Variants in SUMF1 observed in about 807,000 individuals in gnomAD.
The protein encoded by SUMF1 is sulfatase modifying factor 1, also known as formylglycine-generating enzyme.
Under a neutral mutation model 47.6 loss-of-function variants are expected in SUMF1, and 48 were observed. That is an observed-to-expected ratio of 1.01 (90% CI 0.80 to 1.28). The LOEUF (loss-of-function observed/expected upper bound fraction) is 1.28, where lower values mean the gene tolerates loss of function less well. Among genes scored for constraint, SUMF1 ranks in the 50% most tolerant of loss-of-function variants. The pLI, the probability that SUMF1 is intolerant of heterozygous loss-of-function variation, is 0.00. For missense variants in SUMF1, 571 were observed against 485.4 expected, an observed-to-expected ratio of 1.18 and a Z score of -1.66; for synonymous variants, 230 against 192.1, an observed-to-expected ratio of 1.20 and a Z score of -1.63.
At chr3:4,344,964 C>A (rs1699346058) in intron 8 of SUMF1, among the ~76,000 whole-genome samples, 1 of 151,920 alleles carries the variant, frequency 6.6e-6, no homozygotes, top group Non-Finnish European at 1.5e-5. Context: ...TGAAATAAGA[C>A]ACACAGACAA....
intron 8 of SUMF1, among the ~76,000 whole-genome samples, chr3:4,202,688 G>T (rs189019764): frequency 5.0e-4 from 76 of 152,024 alleles, no homozygotes; most frequent in African/African-American, 1.6e-3. Context: ...TCTGTAGATT[G>T]CTTTGAATAG....
intron 8 of SUMF1, among the ~76,000 whole-genome samples, chr3:4,246,803 C>T (rs949242591): frequency 6.6e-6 from 1 of 152,040 alleles, no homozygotes; most frequent in African/African-American, 2.4e-5. Flanking sequence ...AAATCTTGAC[C>T]TTTCTATGTT....
At chr3:4,343,564 G>C (rs1159690758) in intron 8 of SUMF1, among the ~76,000 whole-genome samples, 2 of 152,220 alleles carry the variant, frequency 1.3e-5, no homozygotes, top group African/African-American at 4.8e-5. Flanking sequence ...GAAGACCTCA[G>C]TTTGATTTCA....
chr3:4,139,974 C>G (rs1263827383), intron 8 of SUMF1, among the ~76,000 whole-genome samples: 1 of 151,876 alleles, frequency 6.6e-6, no homozygotes, highest in Non-Finnish European at 1.5e-5. Flanking sequence ...TCCAAAGGAC[C>G]ACACATCCTT....
chr3:4,104,666 T>TTCTCTCTCTCTCTCTC (rs111963235), intron 8 of SUMF1, among the ~76,000 whole-genome samples: 18 of 146,850 alleles, frequency 1.2e-4, no homozygotes, highest in African/African-American at 3.5e-4. Flanking sequence ...AAATCTCGAT[T>TTCTCTCTCTCTCTCTC]TCTCTCTCTC....
At chr3:4,389,936 A>C (rs1487508683) in intron 7 of SUMF1, among the ~76,000 whole-genome samples, 2 of 152,120 alleles carry the variant, frequency 1.3e-5, no homozygotes, top group African/African-American at 4.8e-5. Context: ...TTGCTGGGTA[A>C]GTCTAACATC....
At chr3:4,409,850 A>G (rs1701487994) in intron 7 of SUMF1, among the ~76,000 whole-genome samples, 1 of 152,234 alleles carries the variant, frequency 6.6e-6, no homozygotes, top group Non-Finnish European at 1.5e-5. Flanking sequence ...AGAAAAATTA[A>G]GCATATCCAA....
At chr3:4,373,467 A>AAC in intron 8 of SUMF1, among the ~76,000 whole-genome samples, 1 of 151,720 alleles carries the variant, frequency 6.6e-6, no homozygotes, top group South Asian at 2.1e-4. Flanking sequence ...GTAAAAGAAA[A>AAC]AAAAAATGGG....
chr3:4,288,073 G>A lies in SUMF1; in HGVS notation c.1014+88257C>T, dbSNP rs1194395729. 2.6e-5 allele frequency among the ~76,000 whole-genome samples: 4 copies of A among 151,880 alleles called. No individual in the cohort carries two copies. The East Asian group carries it at 7.8e-4, about 30-fold the overall frequency. On this transcript the variant is annotated intron_variant and NMD_transcript_variant, in intron 8 of 12. Coordinates refer to the SUMF1 transcript ENST00000448413. ...AAAATAATGACCCCAGAGAGTTCAG[G>A]CACCTGCTATCTGCAATCTAGGTCT... is the stretch of plus-strand genomic sequence containing the variant.
intron 1 of SUMF1, among the ~76,000 whole-genome samples, chr3:4,458,227 A>G (rs546919745): frequency 1.2e-4 from 19 of 152,354 alleles, no homozygotes; most frequent in African/African-American, 4.6e-4. Flanking sequence ...AAGATGAAAG[A>G]TAACAAGTGT....
At chr3:4,341,464 TTTTC>T (rs1279085638) in intron 8 of SUMF1, among the ~76,000 whole-genome samples, 5 of 152,182 alleles carry the variant, frequency 3.3e-5, no homozygotes, top group Non-Finnish European at 7.3e-5. Context: ...AATACATAGC[TTTTC>T]TTTATTTTTT....
In SUMF1 at chr3:4,209,394, C is replaced by A. The variant is rs73120039; in HGVS notation, c.1015-140649G>T. Among the ~76,000 whole-genome samples the A allele has an allele frequency of 7.5e-3, 1,149 of 152,190 alleles. 15 individuals carry two copies. The highest frequency in any genetic ancestry group is 0.027 in the African/African-American group (1,104 of 41,512). On this transcript the variant is annotated intron_variant and NMD_transcript_variant, in intron 8 of 12. Transcript: ENST00000448413. ...TTCTGTCATTACCTGGTAGTTGAAC[C>A]TTAATCACTTAAACATCCTAAGTTG...
chr3:4,253,533 T>G (rs313670), intron 8 of SUMF1, among the ~76,000 whole-genome samples: 9 of 150,772 alleles, frequency 6.0e-5, no homozygotes, highest in Admixed American at 3.3e-4. Flanking sequence ...CACTCCCACC[T>G]GAATATTGCG....
At chr3:4,252,420 T>G (rs541125768) in intron 8 of SUMF1, among the ~76,000 whole-genome samples, 2 of 152,060 alleles carry the variant, frequency 1.3e-5, no homozygotes, top group African/African-American at 4.8e-5. Flanking sequence ...TTGCCTACAT[T>G]GTCTATTATC....
At chr3:4,307,337 GA>G (rs1455979353) in intron 8 of SUMF1, among the ~76,000 whole-genome samples, 1 of 152,092 alleles carries the variant, frequency 6.6e-6, no homozygotes, top group Non-Finnish European at 1.5e-5. Flanking sequence ...CTATGGATAG[GA>G]ACCCCACCCC....
At chr3:4,448,502 T>C (rs1259306004) in intron 3 of SUMF1, among the ~76,000 whole-genome samples, 1 of 152,206 alleles carries the variant, frequency 6.6e-6, no homozygotes, top group African/African-American at 2.4e-5. Context: ...TTCTGCATTC[T>C]CTACCCTCTT....
chr3:4,434,292 C>A (rs1414860726), intron 3 of SUMF1, among the ~76,000 whole-genome samples: 1 of 152,068 alleles, frequency 6.6e-6, no homozygotes, highest in African/African-American at 2.4e-5. Flanking sequence ...TATAGTGTAC[C>A]ATACACACAC....
intron 8 of SUMF1, among the ~76,000 whole-genome samples, chr3:4,190,881 T>A (rs1391541263): frequency 2.6e-5 from 4 of 152,104 alleles, no homozygotes; most frequent in African/African-American, 9.7e-5. Context: ...ATGTCCCCAC[T>A]ATAATCGGGG....
At position 4,361,674 on chromosome 3, in the gene SUMF1, A is replaced by G. The variant is rs1699761667; in HGVS notation, c.*470T>C. On this transcript the variant is annotated 3_prime_UTR_variant, in exon 9 of 9. Transcript: ENST00000272902. ...AAAAATAGCTAAAAAATAATCTATA[A>G]TAAATTCTCACTATGAAGTCACAAT... 8.6e-6 allele frequency: 1 copy of G among 116,222 alleles called. No homozygotes were observed. Among genetic ancestry groups the G allele is most frequent in the Non-Finnish European group, 1.6e-5 (1 of 60,944 alleles). 7.2% of individuals were successfully genotyped at this position (116,222 alleles called of 1,614,324 possible). A position where few individuals can be genotyped will look rare whatever the true frequency, so the allele number is the denominator to read the frequency against.
Sources: gnomAD v4.1 joint callset for allele counts (sites outside exome capture counted in the v4.1 genomes callset) on GRCh38, gnomAD v4.1.1 for gene constraint, MANE v1.5 for transcripts, NCBI Gene and HGNC (gene_info 2026-07-23, HGNC 2026-07-21) for gene names.